The following FAM174A variants were observed in gnomAD, a reference collection of about 807,000 sequenced individuals.
The protein encoded by FAM174A is family with sequence similarity 174 member A.
Under a neutral mutation model 14.3 loss-of-function variants are expected in FAM174A, and 14 were observed. The observed-to-expected ratio is 0.98, with a 90% confidence interval of 0.65 to 1.53. FAM174A has a LOEUF of 1.53. Ranked by LOEUF, FAM174A falls within the 40% of genes most tolerant of loss-of-function variation. The probability of loss-of-function intolerance (pLI) is 0.00; values close to 1 mark genes in which losing one functional copy is unlikely to be tolerated. For synonymous variants in FAM174A, 108 were observed against 111.4 expected (o/e 0.97, Z 0.19); for missense variants, 241 against 249.6 (o/e 0.97, Z 0.23).
chr5:100,568,470 A>T (rs1008385266), intron 2 of FAM174A, among the ~76,000 whole-genome samples: 25 of 151,770 alleles, frequency 1.6e-4, no homozygotes, highest in Admixed American at 5.9e-4. Context: ...TTATGTATAT[A>T]ATACATAAAT....
At position 100,539,160 on chromosome 5, in the gene FAM174A, G is replaced by A. The variant is rs1220790160; in HGVS notation, c.434+3196G>A. On this transcript the variant is annotated intron_variant, in intron 1 of 2. Coordinates refer to ENST00000312637, the MANE Select transcript of FAM174A (RefSeq NM_198507.3). ...ATGGTGCTCATGCTCATATAGTGGA[G>A]ATGAGCATGAAATTTATTATGATAG... Among the ~76,000 whole-genome samples, 4 of 151,996 alleles carry A rather than the reference G, an allele frequency of 2.6e-5. No homozygotes were observed. In the East Asian group the frequency reaches 7.7e-4, roughly 29 times the overall value.
intron 2 of FAM174A, among the ~76,000 whole-genome samples, chr5:100,579,480 G>A (rs1191070742): frequency 6.6e-5 from 10 of 151,848 alleles, no homozygotes; most frequent in Admixed American, 2.6e-4. Context: ...GCTGGAGTGC[G>A]ATGGCACGAT....
chr5:100,562,393 C>G (rs762028453), intron 2 of FAM174A, among the ~76,000 whole-genome samples: 2 of 151,876 alleles, frequency 1.3e-5, no homozygotes, highest in Non-Finnish European at 2.9e-5. Context: ...AGAATACCAT[C>G]TCAAAATATT....
chr5:100,558,098 C>T (rs1349695740), intron 1 of FAM174A, among the ~76,000 whole-genome samples: 1 of 152,180 alleles, frequency 6.6e-6, no homozygotes, highest in African/African-American at 2.4e-5. Context: ...TCCCTCTACA[C>T]ACTGCTTTGA....
intron 2 of FAM174A, among the ~76,000 whole-genome samples, chr5:100,579,768 T>A (rs977318762): frequency 6.6e-6 from 1 of 152,176 alleles, no homozygotes; most frequent in Admixed American, 6.6e-5. Context: ...CACTAGCCTC[T>A]TAGTACTTTT....
chr5:100,577,579 AT>A (rs2112402295), intron 2 of FAM174A, among the ~76,000 whole-genome samples: 1 of 152,256 alleles, frequency 6.6e-6, no homozygotes, highest in African/African-American at 2.4e-5. Flanking sequence ...TCAAACAGTT[AT>A]CAATTTGAAA....
intron 2 of FAM174A, among the ~76,000 whole-genome samples, chr5:100,569,415 A>C (rs1746730228): frequency 6.6e-6 from 1 of 151,586 alleles, no homozygotes. Context: ...TTACAGCTGC[A>C]TATTATTCAA....
chr5:100,574,952 T>A (rs1464655494), intron 2 of FAM174A, among the ~76,000 whole-genome samples: 1 of 152,192 alleles, frequency 6.6e-6, no homozygotes, highest in African/African-American at 2.4e-5. Flanking sequence ...ACTAAAAACA[T>A]TTCTTGCAGA....
intron 1 of FAM174A, among the ~76,000 whole-genome samples, chr5:100,556,340 T>C (rs1746381168): frequency 6.6e-6 from 1 of 152,224 alleles, no homozygotes; most frequent in African/African-American, 2.4e-5. Context: ...TTTTGGTTAC[T>C]GTAGCCTTGT....
chr5:100,553,074 G>A lies in FAM174A; in HGVS notation c.435-8980G>A, dbSNP rs528204805. On this transcript the variant is annotated intron_variant, in intron 1 of 2. Coordinates refer to ENST00000312637, the MANE Select transcript of FAM174A (RefSeq NM_198507.3). Reference sequence around the variant, plus strand: ...TATCTTTGTCTATATCTACATGTGTGTGTATAATATATATGTAATTGTCAA... The same window carrying A: ...TATCTTTGTCTATATCTACATGTGTATGTATAATATATATGTAATTGTCAA... 1.4e-4 allele frequency among the ~76,000 whole-genome samples: 21 copies of A among 152,106 alleles called. 1 individual carries two copies. In the East Asian group the frequency reaches 3.3e-3, roughly 24 times the overall value.
intron 2 of FAM174A, among the ~76,000 whole-genome samples, chr5:100,563,401 A>T (rs1580372283): frequency 3.2e-5 from 1 of 31,064 alleles, no homozygotes; most frequent in Non-Finnish European, 6.5e-5. Context: ...CTCTTGAGAC[A>T]AAAAAAAAAA....
intron 1 of FAM174A, among the ~76,000 whole-genome samples, chr5:100,537,868 C>A (rs192730817): frequency 2.0e-5 from 3 of 152,110 alleles, no homozygotes; most frequent in African/African-American, 2.4e-5. Flanking sequence ...GGGGAATATT[C>A]CTTCCTTGTT....
intron 2 of FAM174A, among the ~76,000 whole-genome samples, chr5:100,582,929 C>T (rs568574291): frequency 1.3e-5 from 2 of 152,210 alleles, no homozygotes; most frequent in African/African-American, 4.8e-5. Flanking sequence ...CAAAAATCCA[C>T]GTGTAATTTT....
intron 1 of FAM174A, among the ~76,000 whole-genome samples, chr5:100,553,720 G>A (rs1746308460): frequency 6.6e-6 from 1 of 152,030 alleles, no homozygotes; most frequent in South Asian, 2.1e-4. Flanking sequence ...TTAGAAGATA[G>A]TATTTACATA....
chr5:100,578,197 C>T (rs1394353365), intron 2 of FAM174A, among the ~76,000 whole-genome samples: 2 of 152,050 alleles, frequency 1.3e-5, no homozygotes, highest in East Asian at 1.9e-4. Flanking sequence ...AATGACTAAA[C>T]CCTCCAGAAC....
At chr5:100,571,045 A>G in intron 2 of FAM174A, among the ~76,000 whole-genome samples, 1 of 151,928 alleles carries the variant, frequency 6.6e-6, no homozygotes, top group African/African-American at 2.4e-5. Flanking sequence ...CTTCTTTGTC[A>G]TGGTACCCTT....
chr5:100,566,140 T>TGATAGATA (rs1178525666), intron 2 of FAM174A, among the ~76,000 whole-genome samples: 12 of 8,078 alleles, frequency 1.5e-3, no homozygotes, highest in Non-Finnish European at 2.8e-3. Context: ...TTGAAAAGTA[T>TGATAGATA]GATATATATA....
At chr5:100,551,184 CAAT>C (rs1746255399) in intron 1 of FAM174A, among the ~76,000 whole-genome samples, 1 of 152,116 alleles carries the variant, frequency 6.6e-6, no homozygotes, top group Non-Finnish European at 1.5e-5. Flanking sequence ...GAAGTACAAT[CAAT>C]AATACCTTGT....
chr5:100,580,744 A>G (rs934659500), intron 2 of FAM174A, among the ~76,000 whole-genome samples: 4 of 152,208 alleles, frequency 2.6e-5, no homozygotes, highest in African/African-American at 7.2e-5. Context: ...AGTATTAACC[A>G]TCACACTTGC....
Sources: allele counts gnomAD v4.1 joint callset (sites outside exome capture counted in the v4.1 genomes callset), GRCh38; gene constraint gnomAD v4.1.1; transcripts MANE v1.5; gene names NCBI Gene and HGNC (gene_info 2026-07-23, HGNC 2026-07-21).